AUTS2: variants seen among roughly 807,000 people sequenced by gnomAD.
The protein encoded by AUTS2 is activator of transcription and developmental regulator AUTS2.
AUTS2 carries 17 observed loss-of-function variants against 112.4 expected under a neutral mutation model. The observed-to-expected ratio is 0.15, with a 90% CI of 0.10 to 0.23. The LOEUF (loss-of-function observed/expected upper bound fraction) is 0.23, where lower values mean the gene tolerates loss of function less well. AUTS2 is among the 10% of genes least tolerant of loss of function. The pLI, the probability that AUTS2 is intolerant of heterozygous loss-of-function variation, is 1.00. For synonymous variants in AUTS2, 751 were observed against 702.7 expected, an observed-to-expected ratio of 1.07 and a Z score of -1.09; for missense variants, 1,510 against 1,701.6, an observed-to-expected ratio of 0.89 and a Z score of 1.98.
chr7:69,735,676 G>A (rs1171662350), intron 1 of AUTS2, among the ~76,000 whole-genome samples: 1 of 152,140 alleles, frequency 6.6e-6, no homozygotes, highest in Non-Finnish European at 1.5e-5. Flanking sequence ...CATAGAAGTG[G>A]CCACAAACAC....
intron 5 of AUTS2, among the ~76,000 whole-genome samples, chr7:70,594,348 C>G (rs1452940407): frequency 6.6e-6 from 1 of 152,156 alleles, no homozygotes; most frequent in South Asian, 2.1e-4. Context: ...GGCCCCACCC[C>G]TAGAGTTTCT....
chr7:70,040,521 A>G (rs999592681), intron 2 of AUTS2, among the ~76,000 whole-genome samples: 1 of 152,222 alleles, frequency 6.6e-6, no homozygotes, highest in East Asian at 1.9e-4. Flanking sequence ...AGTAATAGCC[A>G]TTTTACAAAG....
In AUTS2 at chr7:70,781,771, G is replaced by A. The variant is rs747672448; in HGVS notation, c.2146+15G>A. 6.2e-7 allele frequency: 1 copy of A among 1,613,066 alleles called. No individual in the cohort carries two copies. The highest frequency in any genetic ancestry group is 8.5e-7 in the Non-Finnish European group (1 of 1,179,572). On this transcript the variant is annotated intron_variant, in intron 15 of 18. Coordinates refer to ENST00000342771, the MANE Select transcript of AUTS2 (RefSeq NM_015570.4). ...CTCTGCCGCTGGTGAGTGTGGGTTT[G>A]GGTGGGGGGACAGAGCTGAGAAATG...
At chr7:69,628,274 T>G (rs1794057784) in intron 1 of AUTS2, among the ~76,000 whole-genome samples, 1 of 152,224 alleles carries the variant, frequency 6.6e-6, no homozygotes, top group African/African-American at 2.4e-5. Context: ...TAATTTAGAC[T>G]CACAGAGAGA....
chr7:70,413,226 C>T (rs1319884633), intron 4 of AUTS2, among the ~76,000 whole-genome samples: 6 of 152,130 alleles, frequency 3.9e-5, no homozygotes, highest in Admixed American at 3.9e-4. Flanking sequence ...ATTTAAGTAA[C>T]CAGAATGTTC....
chr7:70,355,105 GGTGTGTGT>G (rs375728125), intron 4 of AUTS2, among the ~76,000 whole-genome samples: 1 of 138,350 alleles, frequency 7.2e-6, no homozygotes, highest in Non-Finnish European at 1.6e-5. Context: ...TGTATGTATG[GGTGTGTGT>G]GTGTGTGTGT....
chr7:69,824,834 C>T (rs1791170219), intron 1 of AUTS2: 1 of 152,170 alleles, frequency 6.6e-6, no homozygotes, highest in Non-Finnish European at 1.5e-5. Context: ...ACTTAATCTG[C>T]ATTTCCTGAT....
In AUTS2 at chr7:70,286,706, T is replaced by C. The variant is rs956672544; in HGVS notation, c.661-149046T>C. On this transcript the variant is annotated intron_variant, in intron 4 of 18. Transcript: ENST00000342771. ...TATGCTACTGAATATAAGTGAAGAG[T>C]GGTAGATCCTAAAGTAGTATTTCTT... Among the ~76,000 whole-genome samples the C allele has an allele frequency of 1.6e-4, 24 of 152,096 alleles. 1 individual carries two copies. Among genetic ancestry groups the C allele is most frequent in the Middle Eastern group, 3.2e-3 (1 of 316 alleles).
At chr7:70,483,734 A>C (rs982678117) in intron 5 of AUTS2, among the ~76,000 whole-genome samples, 1 of 152,160 alleles carries the variant, frequency 6.6e-6, no homozygotes, top group Non-Finnish European at 1.5e-5. Flanking sequence ...TAGCCTTTTG[A>C]ATGAAAGTGA....
intron 1 of AUTS2, among the ~76,000 whole-genome samples, chr7:69,762,408 G>C (rs1788231039): frequency 7.1e-6 from 1 of 141,516 alleles, no homozygotes; most frequent in Non-Finnish European, 1.5e-5. Context: ...CCTGGCTCCA[G>C]TGATCCTTCC....
At chr7:70,463,963 C>G (rs1162002402) in intron 5 of AUTS2, among the ~76,000 whole-genome samples, 1 of 152,100 alleles carries the variant, frequency 6.6e-6, no homozygotes, top group East Asian at 1.9e-4. Context: ...AATTTTTAAT[C>G]AAAACACAAT....
rs370966756 is a variant in AUTS2, at chr7:69,894,252, G to GTTTTTTTTTTT, written c.310-5018_310-5008dup. 4.1e-4 allele frequency among the ~76,000 whole-genome samples: 15 copies of GTTTTTTTTTTT among 36,730 alleles called. 2 individuals are homozygous for GTTTTTTTTTTT. The highest frequency in any genetic ancestry group is 1.8e-3 in the African/African-American group (14 of 7,570). The allele number at this position is 36,730 out of a possible 152,430, so 24.1% of individuals were successfully genotyped here. A position where few individuals can be genotyped will look rare whatever the true frequency, so the allele number is the denominator to read the frequency against. On this transcript the variant is annotated intron_variant, in intron 1 of 18. Transcript: ENST00000342771. ...GACTGTCAAATGAATGCCTTAAAGC[G>GTTTTTTTTTTT]TTTTTTTTTTTTTTTTTTTTTTTTT...
intron 1 of AUTS2, among the ~76,000 whole-genome samples, chr7:69,648,750 T>TG (rs1795155558): frequency 6.6e-6 from 1 of 152,182 alleles, no homozygotes; most frequent in Non-Finnish European, 1.5e-5. Context: ...AAGGGACCTG[T>TG]TATTGATTAT....
At chr7:70,536,730 G>A (rs997028844) in intron 5 of AUTS2, among the ~76,000 whole-genome samples, 9 of 151,714 alleles carry the variant, frequency 5.9e-5, no homozygotes, top group Admixed American at 1.3e-4. Context: ...GAGAAACTTC[G>A]TCTCTACTAA....
At chr7:69,867,394 G>T (rs1793283851) in intron 1 of AUTS2, among the ~76,000 whole-genome samples, 1 of 152,128 alleles carries the variant, frequency 6.6e-6, no homozygotes, top group Admixed American at 6.6e-5. Flanking sequence ...AGATTATATT[G>T]AATCACATTT....
Position 70,789,922 on chromosome 7 carries a change from G to GGA in AUTS2, c.2707_2708dup (p.Asp903GlufsTer81). On this transcript the variant is annotated frameshift_variant, in exon 19 of 19. Coordinates refer to ENST00000342771, the MANE Select transcript of AUTS2 (RefSeq NM_015570.4). LOFTEE classifies it high-confidence loss of function. ...AGAGAGACCACTCGGAATCCCGCAA[G>GGA]GACCTGGCCGCCGACGAGCACAAGG... 6.2e-7 allele frequency: 1 copy of GGA among 1,614,094 alleles called. No individual in the cohort carries two copies. The highest frequency in any genetic ancestry group is 8.5e-7 in the Non-Finnish European group (1 of 1,180,038).
intron 4 of AUTS2, among the ~76,000 whole-genome samples, chr7:70,352,375 A>G (rs1027717482): frequency 6.6e-6 from 1 of 152,174 alleles, no homozygotes; most frequent in African/African-American, 2.4e-5. Flanking sequence ...TGACTTTTTA[A>G]TCTTCGGCTG....
chr7:70,589,837 C>CAGGTTTGT (rs1267962709), intron 5 of AUTS2, among the ~76,000 whole-genome samples: 4 of 152,128 alleles, frequency 2.6e-5, no homozygotes, highest in African/African-American at 9.7e-5. Flanking sequence ...AGGTTGAGAC[C>CAGGTTTGT]AGGTTTGTTC....
At position 69,954,619 on chromosome 7, in the gene AUTS2, A is replaced by G. The variant is rs150336221; in HGVS notation, c.522+55121A>G. ...TCTCAAAACCATTTTGTAAAAAGTAATGTGCTGGCCAAATAAAACAGAACG... is the reference window on the plus strand; with the variant it reads ...TCTCAAAACCATTTTGTAAAAAGTAGTGTGCTGGCCAAATAAAACAGAACG... On this transcript the variant is annotated intron_variant, in intron 2 of 18. Transcript: ENST00000342771. 3.1e-4 allele frequency among the ~76,000 whole-genome samples: 47 copies of G among 152,344 alleles called. No individual in the cohort carries two copies. In the East Asian group the frequency reaches 8.9e-3, roughly 29 times the overall value.
Sources: allele counts gnomAD v4.1 joint callset (sites outside exome capture counted in the v4.1 genomes callset), GRCh38; gene constraint gnomAD v4.1.1; transcripts MANE v1.5; gene names NCBI Gene and HGNC (gene_info 2026-07-23, HGNC 2026-07-21).